The following RASEF variants were observed in gnomAD, a reference collection of about 807,000 sequenced individuals.
RASEF encodes RAS and EF-hand domain containing, also known as ras and EF-hand domain-containing protein.
A neutral mutation model predicts 90.1 loss-of-function variants in RASEF; 68 were observed. The observed-to-expected ratio is 0.75, with a 90% CI of 0.62 to 0.92. The LOEUF (loss-of-function observed/expected upper bound fraction) is 0.92. RASEF is among the 40% of genes least tolerant of loss of function. The pLI, the probability that RASEF is intolerant of heterozygous loss-of-function variation, is 0.00. For missense variants in RASEF, 949 were observed against 937.2 expected (o/e 1.01, Z -0.16); for synonymous variants, 331 against 345.2 (o/e 0.96, Z 0.46).
At chr9:83,114,518 G>A in the RASEF span, among the ~76,000 whole-genome samples, 17 of 152,176 alleles carry the variant, frequency 1.1e-4, no homozygotes, top group African/African-American at 2.9e-4. Context: ...TGAGCTGGGC[G>A]GAACAGAGCC....
the RASEF span, among the ~76,000 whole-genome samples, chr9:83,219,083 C>CTTT: frequency 6.6e-6 from 1 of 152,156 alleles, no homozygotes; most frequent in East Asian, 1.9e-4. Context: ...AAAAGAAACA[C>CTTT]TTAATTTTTA....
intron 6 of RASEF, among the ~76,000 whole-genome samples, chr9:83,008,315 G>A (rs1415218313): frequency 6.6e-6 from 1 of 152,038 alleles, no homozygotes; most frequent in Non-Finnish European, 1.5e-5. Flanking sequence ...CAAAATTCGG[G>A]GGCCTTCTAT....
In RASEF at chr9:82,982,546, T is replaced by G. The variant is rs909169702; in HGVS notation, c.*131A>C. The G allele has an allele frequency of 1.5e-6, 1 of 646,076 alleles. No individual in the cohort carries two copies. The highest frequency in any genetic ancestry group is 1.8e-5 in the African/African-American group (1 of 55,342). 40.0% of individuals were successfully genotyped at this position (646,076 alleles called of 1,614,324 possible). On this transcript the variant is annotated 3_prime_UTR_variant, in exon 17 of 17. Transcript: ENST00000376447. ...TTCCAGAGGGACCTGAGAGCTGGGT[T>G]CAGGTTTCCTGCACTGTAACTCTCC...
At chr9:83,159,022 TA>T in the RASEF span, among the ~76,000 whole-genome samples, 1 of 132,404 alleles carries the variant, frequency 7.6e-6, no homozygotes, top group South Asian at 2.4e-4. Context: ...CAGTCTCTAC[TA>T]AAAACACAAA....
chr9:83,095,632 C>A, the RASEF span, among the ~76,000 whole-genome samples: 1 of 151,784 alleles, frequency 6.6e-6, no homozygotes, highest in African/African-American at 2.4e-5. Flanking sequence ...CCAGACTATA[C>A]AAAATACCTA....
chr9:83,001,979 AT>A (rs1368862318), intron 9 of RASEF, among the ~76,000 whole-genome samples: 3 of 152,214 alleles, frequency 2.0e-5, no homozygotes, highest in Admixed American at 6.5e-5. Context: ...AACTCTGAAG[AT>A]TTTATAAGTG....
the RASEF span, among the ~76,000 whole-genome samples, chr9:83,177,614 TG>T: frequency 7.8e-6 from 1 of 128,300 alleles, no homozygotes; most frequent in Non-Finnish European, 1.7e-5. Context: ...GTCATTTAGT[TG>T]TTTTTTTTTT....
chr9:83,162,737 T>C, the RASEF span, among the ~76,000 whole-genome samples: 1 of 152,160 alleles, frequency 6.6e-6, no homozygotes, highest in Non-Finnish European at 1.5e-5. Context: ...CTTCTTCCAG[T>C]AGACACTCAT....
At chr9:83,081,516 A>G in the RASEF span, among the ~76,000 whole-genome samples, 30 of 152,318 alleles carry the variant, frequency 2.0e-4, no homozygotes, top group South Asian at 5.4e-3. Context: ...GAGCATTTTC[A>G]TGAACACAAG....
intron 7 of RASEF, among the ~76,000 whole-genome samples, chr9:83,006,142 C>T (rs952946623): frequency 1.3e-5 from 2 of 152,242 alleles, no homozygotes; most frequent in Non-Finnish European, 2.9e-5. Flanking sequence ...AAGGCTGGTT[C>T]ACCCTTCGCA....
the RASEF span, among the ~76,000 whole-genome samples, chr9:83,113,740 C>T: frequency 6.6e-6 from 1 of 152,138 alleles, no homozygotes; most frequent in East Asian, 1.9e-4. Context: ...GAAATTCAAA[C>T]CTGGTAAATT....
intron 6 of RASEF, among the ~76,000 whole-genome samples, chr9:83,008,945 T>C (rs1165272155): frequency 8.8e-6 from 1 of 114,090 alleles, no homozygotes; most frequent in Non-Finnish European, 1.9e-5. Flanking sequence ...TGACGTGGGC[T>C]CTGTGTTTTG....
chr9:83,190,636 G>T, the RASEF span, among the ~76,000 whole-genome samples: 4,050 of 152,278 alleles, frequency 0.027, 62 homozygotes, highest in Middle Eastern at 0.048. Flanking sequence ...TTTTTAAAGG[G>T]TATCTAAATA....
the RASEF span, among the ~76,000 whole-genome samples, chr9:83,080,908 G>A: frequency 6.6e-6 from 1 of 151,876 alleles, no homozygotes; most frequent in African/African-American, 2.4e-5. Flanking sequence ...GTAAGAGAAG[G>A]GATAACCACC....
chr9:83,100,402 C>A, the RASEF span, among the ~76,000 whole-genome samples: 1 of 152,300 alleles, frequency 6.6e-6, no homozygotes, highest in African/African-American at 2.4e-5. Flanking sequence ...ATCAGAACAT[C>A]TTTTCACTGG....
chr9:83,089,931 TAGA>T, the RASEF span, among the ~76,000 whole-genome samples: 8 of 150,766 alleles, frequency 5.3e-5, no homozygotes, highest in African/African-American at 1.9e-4. Flanking sequence ...GATAGATAGA[TAGA>T]TAGATAGATA....
chr9:83,011,056 C>T (rs1240797399), intron 5 of RASEF, among the ~76,000 whole-genome samples: 1 of 152,132 alleles, frequency 6.6e-6, no homozygotes, highest in Non-Finnish European at 1.5e-5. Context: ...TGTAGACATT[C>T]TCAAATATTC....
the RASEF span, among the ~76,000 whole-genome samples, chr9:83,098,590 C>T: frequency 8.5e-5 from 13 of 152,114 alleles, no homozygotes; most frequent in Admixed American, 7.9e-4. Context: ...TCCATTCTCA[C>T]ACTGCTGATA....
At chr9:83,201,338 A>G in the RASEF span, 1 of 152,240 alleles carries the variant, frequency 6.6e-6, no homozygotes, top group South Asian at 2.1e-4. Flanking sequence ...AGCAGTGGGG[A>G]AAGCATATTC....
Sources: gnomAD v4.1 joint callset for allele counts (sites outside exome capture counted in the v4.1 genomes callset) on GRCh38, gnomAD v4.1.1 for gene constraint, MANE v1.5 for transcripts, NCBI Gene and HGNC (gene_info 2026-07-23, HGNC 2026-07-21) for gene names.